MMP26: variants seen among roughly 807,000 people sequenced by gnomAD.
MMP26 encodes the protein matrix metallopeptidase 26, also known as matrix metalloproteinase-26.
Under a neutral mutation model 31.0 loss-of-function variants are expected in MMP26, and 33 were observed. The ratio of observed to expected loss-of-function variants is 1.06; its 90% CI spans 0.81 to 1.42. MMP26 has a LOEUF of 1.42. MMP26 is among the 40% of genes most tolerant of loss of function. The pLI, the probability that MMP26 is intolerant of heterozygous loss-of-function variation, is 0.00. For synonymous variants in MMP26, 122 were observed against 114.9 expected, an observed-to-expected ratio of 1.06 and a Z score of -0.40; for missense variants, 347 against 316.1, an observed-to-expected ratio of 1.10 and a Z score of -0.74.
At chr11:4,753,162 T>C (rs377097394) in intron 1 of MMP26, among the ~76,000 whole-genome samples, 17 of 152,278 alleles carry the variant, frequency 1.1e-4, no homozygotes, top group African/African-American at 3.8e-4. Flanking sequence ...TAATTGAACA[T>C]GGCCAGCATC....
intron 1 of MMP26, among the ~76,000 whole-genome samples, chr11:4,706,014 T>C (rs1395989552): frequency 2.6e-5 from 4 of 151,766 alleles, no homozygotes; most frequent in Admixed American, 1.3e-4. Flanking sequence ...CTTGGACCCA[T>C]GTTTGCTAAT....
chr11:4,822,869 C>T (rs1473193451), intron 2 of MMP26, among the ~76,000 whole-genome samples: 1 of 152,046 alleles, frequency 6.6e-6, no homozygotes, highest in Non-Finnish European at 1.5e-5. Flanking sequence ...ATTATTTTGC[C>T]CTTTATTATG....
At chr11:4,856,639 C>CACTGTCA (rs1202095409) in intron 2 of MMP26, among the ~76,000 whole-genome samples, 1 of 152,128 alleles carries the variant, frequency 6.6e-6, no homozygotes, top group Admixed American at 6.5e-5. Flanking sequence ...TTTAACACCC[C>CACTGTCA]ACTGTCAACA....
intron 2 of MMP26, among the ~76,000 whole-genome samples, chr11:4,978,685 C>T (rs1234509969): frequency 1.3e-5 from 2 of 152,058 alleles, no homozygotes; most frequent in Non-Finnish European, 2.9e-5. Flanking sequence ...GAAGATATGG[C>T]CACATTGTCT....
At chr11:4,953,237 A>C (rs1362402683) in intron 2 of MMP26, among the ~76,000 whole-genome samples, 1 of 125,400 alleles carries the variant, frequency 8.0e-6, no homozygotes, top group African/African-American at 2.7e-5. Flanking sequence ...TAAACTCTTC[A>C]GAGAGCAAGT....
chr11:4,943,716 A>C, intron 2 of MMP26: 1 of 354,342 alleles, frequency 2.8e-6, no homozygotes, highest in Non-Finnish European at 5.6e-6. Context: ...AAGGAGCCCC[A>C]GAGTTGAGAT....
At chr11:4,822,090 C>T (rs753314255) in intron 2 of MMP26, 2 of 1,613,370 alleles carry the variant, frequency 1.2e-6, no homozygotes, top group South Asian at 2.2e-5. Context: ...ATATCCTGAT[C>T]ATTCGATCTG....
intron 2 of MMP26, among the ~76,000 whole-genome samples, chr11:4,871,112 C>A (rs1270566443): frequency 6.6e-6 from 1 of 152,070 alleles, no homozygotes. Flanking sequence ...CAGCAATATT[C>A]TACTATATTG....
intron 1 of MMP26, among the ~76,000 whole-genome samples, chr11:4,707,745 G>A (rs1301763028): frequency 2.6e-5 from 4 of 152,168 alleles, no homozygotes; most frequent in African/African-American, 7.2e-5. Context: ...ACACATATGT[G>A]GAAATATTAA....
chr11:4,726,733 G>A (rs1474532818), intron 1 of MMP26, among the ~76,000 whole-genome samples: 5 of 151,928 alleles, frequency 3.3e-5, no homozygotes, highest in Admixed American at 2.6e-4. Flanking sequence ...TTGGCCCAGG[G>A]TGGTGCTTCA....
chr11:4,907,109 A>AAAAAAAAAAAAAAAAG (rs1564804260), intron 2 of MMP26, among the ~76,000 whole-genome samples: 2 of 150,902 alleles, frequency 1.3e-5, no homozygotes, highest in South Asian at 2.1e-4. Context: ...AAAAAAAAAA[A>AAAAAAAAAAAAAAAAG]AAAAAATCCT....
In MMP26 at chr11:4,985,293, A is replaced by G. The variant is rs548305051; in HGVS notation, c.-144-2775A>G. On this transcript the variant is annotated intron_variant, in intron 2 of 7. Coordinates refer to ENST00000380390, the MANE Select transcript of MMP26 (RefSeq NM_021801.5). The stretch of plus-strand genomic sequence containing the variant: ...AGAATATAATAAGGTCTATATCACC[A>G]TGAGATTTTAGTGAACAAACTCATA... Among the ~76,000 whole-genome samples the G allele has an allele frequency of 2.6e-5, 4 of 152,348 alleles. No homozygotes were observed. The South Asian group carries it at 8.3e-4, about 32-fold the overall frequency.
rs139231173 is a variant in MMP26 at position 4,955,368 on chromosome 11, C to G, written c.-144-32700C>G. On this transcript the variant is annotated intron_variant, in intron 2 of 7. Coordinates refer to ENST00000380390, the MANE Select transcript of MMP26 (RefSeq NM_021801.5). ...CTATCAAATGACATGATCAGGAGGA[C>G]TGAGGACTCCAGTACTGAGAATCCA... 350 of 1,221,994 alleles carry G rather than the reference C, an allele frequency of 2.9e-4. 69 individuals are homozygous for G. In the Admixed American group the frequency reaches 3.4e-3, roughly 12 times the overall value. 75.7% of individuals were successfully genotyped at this position (1,221,994 alleles called of 1,614,324 possible).
At chr11:4,930,541 T>C (rs1851332630) in intron 2 of MMP26, among the ~76,000 whole-genome samples, 1 of 152,110 alleles carries the variant, frequency 6.6e-6, no homozygotes, top group African/African-American at 2.4e-5. Context: ...TGGCTCCATC[T>C]ACCCAATCCT....
At chr11:4,884,920 A>G (rs1180902128) in intron 2 of MMP26, among the ~76,000 whole-genome samples, 2 of 152,130 alleles carry the variant, frequency 1.3e-5, no homozygotes, top group Non-Finnish European at 2.9e-5. Context: ...CTCAAGAGAT[A>G]TATGGCTCTT....
chr11:4,859,786 G>A (rs1850116569), intron 2 of MMP26: 1 of 471,290 alleles, frequency 2.1e-6, no homozygotes, highest in African/African-American at 2.0e-5. Flanking sequence ...CATGGAGGCA[G>A]CACCCATAAA....
chr11:4,892,292 G>T (rs2133550037), intron 2 of MMP26, among the ~76,000 whole-genome samples: 1 of 152,290 alleles, frequency 6.6e-6, no homozygotes, highest in South Asian at 2.1e-4. Flanking sequence ...AAAGTATGCA[G>T]AGATCCTTTT....
chr11:4,812,506 A>G (rs559588938), intron 2 of MMP26, among the ~76,000 whole-genome samples: 1 of 152,142 alleles, frequency 6.6e-6, no homozygotes, highest in Non-Finnish European at 1.5e-5. Flanking sequence ...CAAGGGGAAA[A>G]GTAGGCAGAA....
At chr11:4,910,821 A>T (rs565404122) in intron 2 of MMP26, among the ~76,000 whole-genome samples, 1 of 145,038 alleles carries the variant, frequency 6.9e-6, no homozygotes, top group African/African-American at 2.5e-5. Context: ...TGCATGAGTG[A>T]CCATCATGGA....
Sources: allele counts gnomAD v4.1 joint callset (sites outside exome capture counted in the v4.1 genomes callset), GRCh38; gene constraint gnomAD v4.1.1; transcripts MANE v1.5; gene names NCBI Gene and HGNC (gene_info 2026-07-23, HGNC 2026-07-21).